Variants in TRPC1 observed in about 807,000 individuals in gnomAD.
The protein encoded by TRPC1 is transient receptor potential cation channel subfamily C member 1, also known as short transient receptor potential channel 1.
A neutral mutation model predicts 88.2 loss-of-function variants in TRPC1; 42 were observed. That is an observed-to-expected ratio of 0.48 (90% CI 0.37 to 0.62). The LOEUF (loss-of-function observed/expected upper bound fraction) is 0.62, where lower values mean the gene tolerates loss of function less well. Among genes scored for constraint, TRPC1 ranks in the 20% least tolerant of loss-of-function variants. TRPC1 has a pLI of 0.00. For missense variants in TRPC1, 699 were observed against 957.3 expected, an observed-to-expected ratio of 0.73 and a Z score of 3.56; for synonymous variants, 288 against 331.8, an observed-to-expected ratio of 0.87 and a Z score of 1.43.
intron 1 of TRPC1, among the ~76,000 whole-genome samples, chr3:142,733,975 A>G (rs531510725): frequency 6.6e-6 from 1 of 152,204 alleles, no homozygotes; most frequent in Non-Finnish European, 1.5e-5. Flanking sequence ...GAGACTGTAC[A>G]AAGTGAGGAG....
Position 142,724,865 on chromosome 3 carries a change from C to G in TRPC1, c.172+134C>G, listed in dbSNP as rs1933606990. ...TGTCTTCCCGCCTCGCCTGCTGCCT[C>G]AGGCGGTCTTCTCCTCACCGCCTCT... On this transcript the variant is annotated intron_variant, in intron 1 of 12. Coordinates refer to ENST00000476941, the MANE Select transcript of TRPC1 (RefSeq NM_001251845.2). The surrounding 1 kb of genome is among the most constrained non-coding windows in gnomAD (Gnocchi z 5.6). 1 of 1,096,422 alleles carries G rather than the reference C, an allele frequency of 9.1e-7. No individual in the cohort carries two copies. Among genetic ancestry groups the G allele is most frequent in the African/African-American group, 1.6e-5 (1 of 60,910 alleles). The allele number at this position is 1,096,422 out of a possible 1,614,324, so 67.9% of individuals were successfully genotyped here.
intron 4 of TRPC1, among the ~76,000 whole-genome samples, chr3:142,762,327 T>C (rs1311066569): frequency 6.6e-6 from 1 of 152,016 alleles, no homozygotes; most frequent in East Asian, 1.9e-4. Context: ...TGAGCCACCG[T>C]GCCTGGCCTC....
chr3:142,777,578 C>T lies in TRPC1; in HGVS notation c.633-54C>T, dbSNP rs114607664. The T allele has an allele frequency of 1.2e-4, 149 of 1,199,936 alleles. No individual in the cohort carries two copies. In the African/African-American group the frequency reaches 2.0e-3, roughly 16 times the overall value. 74.3% of individuals were successfully genotyped at this position (1,199,936 alleles called of 1,614,324 possible). On this transcript the variant is annotated intron_variant, in intron 4 of 12. Coordinates refer to ENST00000476941, the MANE Select transcript of TRPC1 (RefSeq NM_001251845.2). ...TTTATGAAAATTATAGATTAAAATA[C>T]GAATTATATGTGTATAAGTTTATTT...
intron 4 of TRPC1, among the ~76,000 whole-genome samples, chr3:142,768,137 T>C (rs1203481479): frequency 1.3e-5 from 2 of 152,118 alleles, no homozygotes; most frequent in Non-Finnish European, 2.9e-5. Flanking sequence ...AAATGTTCTA[T>C]GTACTCTTGA....
chr3:142,759,384 G>A (rs927621778), intron 4 of TRPC1, among the ~76,000 whole-genome samples: 23 of 152,256 alleles, frequency 1.5e-4, no homozygotes, highest in African/African-American at 5.5e-4. Context: ...GGTGTGAGAT[G>A]GTATCTTACT....
At chr3:142,760,112 C>T (rs1301958240) in intron 4 of TRPC1, among the ~76,000 whole-genome samples, 2 of 152,132 alleles carry the variant, frequency 1.3e-5, no homozygotes, top group Non-Finnish European at 1.5e-5. Context: ...AGGCGTGAGC[C>T]ACTGTGCCCG....
intron 1 of TRPC1, among the ~76,000 whole-genome samples, chr3:142,734,034 C>T (rs1208292888): frequency 6.6e-6 from 1 of 152,122 alleles, no homozygotes; most frequent in African/African-American, 2.4e-5. Context: ...AGGACTGTAC[C>T]TTCAGCAAAG....
intron 1 of TRPC1, among the ~76,000 whole-genome samples, chr3:142,732,506 C>T (rs1290417303): frequency 6.6e-6 from 1 of 152,072 alleles, no homozygotes; most frequent in East Asian, 1.9e-4. Flanking sequence ...AGGAGAGAAT[C>T]TTGGTCAGCA....
At chr3:142,737,334 A>ATGTATGTATGTATGTATG (rs1553799429) in intron 2 of TRPC1, among the ~76,000 whole-genome samples, 1 of 147,336 alleles carries the variant, frequency 6.8e-6, no homozygotes, top group African/African-American at 2.5e-5. Context: ...TTATATATAT[A>ATGTATGTATGTATGTATG]TATGTATGTA....
intron 4 of TRPC1, among the ~76,000 whole-genome samples, chr3:142,763,852 T>C (rs901331479): frequency 6.6e-6 from 1 of 150,860 alleles, no homozygotes. Context: ...ATATTATAGG[T>C]TTCATACTAT....
chr3:142,729,257 C>T (rs565831441), intron 1 of TRPC1, among the ~76,000 whole-genome samples: 64 of 152,300 alleles, frequency 4.2e-4, no homozygotes, highest in African/African-American at 1.5e-3. Context: ...GATCACGCAA[C>T]TTTGCTGCTC....
At chr3:142,773,285 T>A (rs968248224) in intron 4 of TRPC1, among the ~76,000 whole-genome samples, 4 of 151,986 alleles carry the variant, frequency 2.6e-5, no homozygotes, top group Non-Finnish European at 4.4e-5. Flanking sequence ...CAATCTCAGC[T>A]CACTGCAACC....
rs1441314374 is a variant in TRPC1 at position 142,763,983 on chromosome 3, T to TATATATATATATATACAC, written c.633-13648_633-13647insTATATATATATATACACA. Reference sequence around the variant, plus strand: ...AAATATATATATATATATATATATATACACATACATACATACATATATATA... The same window carrying TATATATATATATATACAC: ...AAATATATATATATATATATATATATATATATATATATATACACACACATACATACATACATATATATA... On this transcript the variant is annotated intron_variant, in intron 4 of 12. Transcript: ENST00000476941. Among the ~76,000 whole-genome samples, 17 of 74,336 alleles carry TATATATATATATATACAC rather than the reference T, an allele frequency of 2.3e-4. 1 individual carries two copies. The highest frequency in any genetic ancestry group is 5.9e-4 in the Admixed American group (5 of 8,522). 48.8% of individuals were successfully genotyped at this position (74,336 alleles called of 152,430 possible). A position where few individuals can be genotyped will look rare whatever the true frequency, so the allele number is the denominator to read the frequency against.
At chr3:142,734,707 G>A (rs1379723996) in intron 1 of TRPC1, among the ~76,000 whole-genome samples, 1 of 152,080 alleles carries the variant, frequency 6.6e-6, no homozygotes, top group Non-Finnish European at 1.5e-5. Flanking sequence ...GGAGGCCGAG[G>A]CGAGAGGATT....
At chr3:142,749,751 G>C (rs1316517996) in intron 4 of TRPC1, among the ~76,000 whole-genome samples, 1 of 152,052 alleles carries the variant, frequency 6.6e-6, no homozygotes, top group Admixed American at 6.6e-5. Flanking sequence ...CAGAACAGAG[G>C]CCTCAGAAAT....
chr3:142,778,936 T>C (rs960007978), intron 5 of TRPC1, among the ~76,000 whole-genome samples: 3 of 152,204 alleles, frequency 2.0e-5, no homozygotes, highest in African/African-American at 7.2e-5. Flanking sequence ...GTACTTTACT[T>C]TGATGAACAC....
chr3:142,781,763 A>G (rs1935965202), intron 6 of TRPC1, among the ~76,000 whole-genome samples: 1 of 152,148 alleles, frequency 6.6e-6, no homozygotes, highest in Non-Finnish European at 1.5e-5. Flanking sequence ...AATTGATAGT[A>G]TGGGATGTTG....
intron 1 of TRPC1, among the ~76,000 whole-genome samples, chr3:142,734,012 C>A (rs1462064017): frequency 6.6e-6 from 1 of 152,092 alleles, no homozygotes; most frequent in African/African-American, 2.4e-5. Context: ...AGCATAAAAC[C>A]AGGATTCTTA....
intron 3 of TRPC1, among the ~76,000 whole-genome samples, chr3:142,746,376 A>C (rs956671729): frequency 4.6e-5 from 7 of 152,294 alleles, no homozygotes; most frequent in African/African-American, 7.2e-5. Context: ...CATAAGAAAC[A>C]TGAGGACCAC....
Sources: allele counts gnomAD v4.1 joint callset (sites outside exome capture counted in the v4.1 genomes callset), GRCh38; gene constraint gnomAD v4.1.1; non-coding constraint Gnocchi (gnomAD v3.1); transcripts MANE v1.5; gene names NCBI Gene and HGNC (gene_info 2026-07-23, HGNC 2026-07-21).